SMARCA1: variants seen among roughly 807,000 people sequenced by gnomAD.
SMARCA1 encodes the protein SNF2 related chromatin remodeling ATPase 1, also known as SWI/SNF-related matrix-associated actin-dependent regulator of chromatin subfamily A member 1.
A neutral mutation model predicts 93.6 loss-of-function variants in SMARCA1; 17 were observed. That is an observed-to-expected ratio of 0.18 (90% confidence interval 0.12 to 0.27). The LOEUF (loss-of-function observed/expected upper bound fraction) is 0.27. Ranked by LOEUF, SMARCA1 falls within the 10% of genes least tolerant of loss-of-function variation. The probability of loss-of-function intolerance (pLI) is 1.00; values close to 1 mark genes in which losing one functional copy is unlikely to be tolerated. For missense variants in SMARCA1, 630 were observed against 819.0 expected (o/e 0.77, Z 2.82); for synonymous variants, 271 against 271.4 (o/e 1.00, Z 0.01).
intron 23 of SMARCA1, among the ~76,000 whole-genome samples, chrX:129,452,305 T>C (rs1006566553): frequency 8.9e-6 from 1 of 112,193 alleles, no homozygotes; most frequent in Non-Finnish European, 1.9e-5. Context: ...CACAATTGTA[T>C]AGTCTAGTTA....
rs149873073 is a variant in SMARCA1, at chrX:129,474,893, A to T, written c.2443-3567T>A. On this transcript the variant is annotated intron_variant, in intron 19 of 24. Transcript: ENST00000371121. ...CGTGATAGTGAATAATTCTCATGAG[A>T]TCTGATGGTGTTACAAAGAGGAATT... 6.6e-3 allele frequency among the ~76,000 whole-genome samples: 725 copies of T among 110,445 alleles called. 7 individuals carry two copies. Among genetic ancestry groups the T allele is most frequent in the African/African-American group, 0.022 (678 of 30,319 alleles).
intron 16 of SMARCA1, among the ~76,000 whole-genome samples, 177 bp from the exon 17 acceptor site, chrX:129,487,314 T>C (rs1409203702): frequency 8.9e-6 from 1 of 112,324 alleles, no homozygotes; most frequent in African/African-American, 3.2e-5. Flanking sequence ...TGCCCAAGTA[T>C]TTCAAATATT....
intron 17 of SMARCA1, 135 bp downstream of exon 17, chrX:129,486,883 C>T: frequency 2.0e-6 from 1 of 510,899 alleles, no homozygotes; most frequent in Non-Finnish European, 3.4e-6. Context: ...ATATACCTTG[C>T]ATGAGATATT....
At chrX:129,498,369 T>C (rs987379315) in intron 10 of SMARCA1, among the ~76,000 whole-genome samples, 1 of 111,997 alleles carries the variant, frequency 8.9e-6, no homozygotes, top group Non-Finnish European at 1.9e-5. Context: ...GAATTTGACA[T>C]CCAACATTTA....
intron 9 of SMARCA1, among the ~76,000 whole-genome samples, chrX:129,500,627 T>C (rs918261195): frequency 8.9e-6 from 1 of 112,924 alleles, no homozygotes; most frequent in African/African-American, 3.2e-5. Context: ...GATCTCATCA[T>C]TGTGCTAAGA....
rs111432337 is a variant in SMARCA1, at chrX:129,465,763, T to C, written c.2818-31A>G. On this transcript the variant is annotated intron_variant, in intron 22 of 24. Transcript: ENST00000371121. ...TATTTAAACAAAATAGTGCTTTTAA[T>C]TGAATGTGCAGTAAGAAGTCAAAGC... 103 of 1,082,628 alleles carry C rather than the reference T, an allele frequency of 9.5e-5. No individual in the cohort carries two copies. The Middle Eastern group carries it at 1.0e-3, about 11-fold the overall frequency. 89.2% of individuals were successfully genotyped at this position (1,082,628 alleles called of 1,213,427 possible). A position where few individuals can be genotyped will look rare whatever the true frequency, so the allele number is the denominator to read the frequency against.
rs1003402420 is a variant in SMARCA1 at position 129,471,299 on chromosome X, G to C, written c.2470C>G (p.Pro824Ala). 8.3e-7 allele frequency: 1 copy of C among 1,200,389 alleles called. No homozygotes were observed. Among genetic ancestry groups the C allele is most frequent in the East Asian group, 3.0e-5 (1 of 33,723 alleles). ...KVPRNPDIPN[P>A]ALAQREEQKK... ...TGCTCTTCTCTTTGAGCCAGAGCTG[G>C]ATTTGGGATATCAGGATTCCTTGGA... The change falls in exon 20 of 25, where the codon CCA becomes GCA. Residue 824 changes from proline to alanine, a missense_variant. Physicochemically the swap from Pro to Ala is conservative, Grantham distance 27. This residue lies in a region of SMARCA1 where 52 missense variants were observed against 38.3 expected (regional missense o/e 1.36). Transcript: ENST00000371121.
intron 1 of SMARCA1, among the ~76,000 whole-genome samples, chrX:129,520,713 T>C (rs1342984485): frequency 8.9e-6 from 1 of 111,917 alleles, no homozygotes; most frequent in Non-Finnish European, 1.9e-5. Context: ...CTCCCTGTTT[T>C]ATCACTGACA....
chrX:129,494,677 C>G (rs1041931424), intron 12 of SMARCA1, among the ~76,000 whole-genome samples: 1 of 111,315 alleles, frequency 9.0e-6, no homozygotes, highest in Admixed American at 9.5e-5. Flanking sequence ...ACCTGCAGTA[C>G]GTACTGCAAT....
At chrX:129,516,029 C>A in intron 3 of SMARCA1, 35 bp from the exon 4 acceptor site, 2 of 1,002,880 alleles carry the variant, frequency 2.0e-6, no homozygotes, top group Non-Finnish European at 2.8e-6. Context: ...TCATATTCGA[C>A]CTAAATGATA....
chrX:129,449,161 TTTC>T lies in SMARCA1; in HGVS notation c.3031-721_3031-719del, dbSNP rs775249074. On this transcript the variant is annotated intron_variant, in intron 23 of 24. Coordinates refer to ENST00000371121, the MANE Select transcript of SMARCA1 (RefSeq NM_001282874.2). Reference sequence around the variant, plus strand: ...ATTTTCTTTACAACTTTTTGTGAATTTTCTTATTTCAAAATAAAAAGTTAACAT... The same window carrying T: ...ATTTTCTTTACAACTTTTTGTGAATTTTATTTCAAAATAAAAAGTTAACAT... 3.6e-5 allele frequency among the ~76,000 whole-genome samples: 4 copies of T among 111,835 alleles called. No individual in the cohort carries two copies. The East Asian group carries it at 1.1e-3, about 31-fold the overall frequency.
intron 23 of SMARCA1, among the ~76,000 whole-genome samples, chrX:129,448,925 G>A (rs1275269511): frequency 9.2e-6 from 1 of 108,805 alleles, no homozygotes. Context: ...TATGGTGGTG[G>A]AGGTTACACA....
chrX:129,500,257 T>C (rs1184638408), intron 9 of SMARCA1, among the ~76,000 whole-genome samples: 1 of 112,051 alleles, frequency 8.9e-6, no homozygotes, highest in Non-Finnish European at 1.9e-5. Flanking sequence ...AACCTCCGCC[T>C]CCTGGCTTCA....
chrX:129,458,024 A>C (rs1411381064), intron 23 of SMARCA1, among the ~76,000 whole-genome samples: 1 of 112,019 alleles, frequency 8.9e-6, no homozygotes, highest in Non-Finnish European at 1.9e-5. Context: ...CTTTTAAGCC[A>C]GGTGTTGGTA....
Position 129,499,836 on chromosome X carries a change from T to C in SMARCA1, c.1173A>G (p.Leu391=). ...TTATACGGCGTAACAAAAATGGTTT[T>C]AAAACCTAAAAGGTGATCATTTTTA... ...QKLVERLHAV[L]KPFLLRRIKT... Residue 391 remains leucine, a synonymous_variant, in exon 10 of 25, where the codon TTA becomes TTG. Transcript: ENST00000371121. 9.8e-7 allele frequency: 1 copy of C among 1,019,415 alleles called. No individual in the cohort carries two copies. Among genetic ancestry groups the C allele is most frequent in the Non-Finnish European group, 1.4e-6 (1 of 728,486 alleles). 84.0% of individuals were successfully genotyped at this position (1,019,415 alleles called of 1,213,427 possible).
intron 1 of SMARCA1, among the ~76,000 whole-genome samples, chrX:129,518,931 T>A (rs746616481): frequency 8.9e-6 from 1 of 112,005 alleles, no homozygotes. Context: ...ACGATATTTT[T>A]AAAATTGTTT....
chrX:129,513,524 CA>C (rs1380775332), intron 5 of SMARCA1, among the ~76,000 whole-genome samples: 10 of 86,429 alleles, frequency 1.2e-4, no homozygotes, highest in South Asian at 9.6e-4. Flanking sequence ...AACTCCATCT[CA>C]AAAAAAAATT....
chrX:129,466,220 A>G (rs887536667), intron 21 of SMARCA1, among the ~76,000 whole-genome samples: 2 of 111,547 alleles, frequency 1.8e-5, no homozygotes, highest in African/African-American at 6.5e-5. Context: ...ATCCATCCCA[A>G]ATGACTAGGA....
rs751524428 is a variant in SMARCA1 at position 129,518,419 on chromosome X, A to T, written c.203T>A (p.Leu68His). 4 of 1,189,481 alleles carry T rather than the reference A, an allele frequency of 3.4e-6. No homozygotes were observed. The East Asian group carries it at 1.2e-4, about 36-fold the overall frequency. The change falls in exon 2 of 25, where the codon CTT (leucine) becomes CAT (histidine). Residue 68 changes from leucine (L) to histidine (H), a missense_variant. Coordinates refer to ENST00000371121, the MANE Select transcript of SMARCA1 (RefSeq NM_001282874.2). Reference sequence around the variant, plus strand: ...TTCAGATTTAGGCGCTTTAGCAGCAAGTTTGAGTTGAAATGAAGAAACGTT... The same window carrying T: ...TTCAGATTTAGGCGCTTTAGCAGCATGTTTGAGTTGAAATGAAGAAACGTT... Reference protein sequence around the residue: ...EKNVSSFQLKLAAKAPKSEKE... With the variant: ...EKNVSSFQLKHAAKAPKSEKE...
Sources: gnomAD v4.1 joint callset for allele counts (sites outside exome capture counted in the v4.1 genomes callset) on GRCh38, gnomAD v4.1.1 for gene constraint, gnomAD v4.1.1 regional missense constraint, MANE v1.5 for transcripts, NCBI Gene and HGNC (gene_info 2026-07-23, HGNC 2026-07-21) for gene names.